The following CRLF2 variants were observed in gnomAD, a reference collection of about 807,000 sequenced individuals.
The protein encoded by CRLF2 is cytokine receptor-like factor 2.
In CRLF2, 41 loss-of-function variants were observed where a neutral mutation model predicts 38.7. The ratio of observed to expected loss-of-function variants is 1.06; its 90% CI spans 0.83 to 1.37. The LOEUF (loss-of-function observed/expected upper bound fraction) is 1.37. Among genes scored for constraint, CRLF2 ranks in the 40% most tolerant of loss-of-function variants. The pLI is 0.00. For synonymous variants in CRLF2, 140 were observed against 128.8 expected (o/e 1.09, Z -0.59); for missense variants, 377 against 322.2 (o/e 1.17, Z -1.30).
chrX:1,203,095 C>CAA (rs782280523), intron 3 of CRLF2, among the ~76,000 whole-genome samples: 8 of 66,936 alleles, frequency 1.2e-4, no homozygotes, highest in Admixed American at 4.2e-4. Flanking sequence ...GAGACTATCT[C>CAA]AAAAAAAAAA....
intron 6 of CRLF2, among the ~76,000 whole-genome samples, chrX:1,194,385 C>T (rs1266862178): frequency 1.3e-4 from 20 of 152,116 alleles, no homozygotes; most frequent in Middle Eastern, 3.4e-3. Context: ...TCGCTTGAGC[C>T]TGGGAGGTGG....
intron 5 of CRLF2, among the ~76,000 whole-genome samples, chrX:1,197,155 C>G (rs1179256164): frequency 7.0e-6 from 1 of 143,294 alleles, no homozygotes; most frequent in Non-Finnish European, 1.5e-5. Context: ...TGCAGTGGCT[C>G]CATCTCAGCT....
chrX:1,212,532 A>G (rs2086823572), intron 1 of CRLF2, 24 bp downstream of exon 1: 1 of 1,586,136 alleles, frequency 6.3e-7, no homozygotes, highest in Non-Finnish European at 8.7e-7. Context: ...AAATACAACA[A>G]GAAGAGGGTG....
rs2086363355 is a variant in CRLF2, at chrX:1,190,965, C to T, written c.1048G>A (p.Gly350Ser). Residue 350 changes from glycine to serine, a missense_variant, in exon 8 of 8, where the codon GGC (glycine) becomes AGC (serine). Transcript: ENST00000400841. ...SLQLPHQPLQ[G>S]GDVVTIGGFT... ...CCCCCGATTGTGACCACATCACCGCCTTGGAGGGGCTGGTGGGGAAGCTGG... is the reference window on the plus strand; with the variant it reads ...CCCCCGATTGTGACCACATCACCGCTTTGGAGGGGCTGGTGGGGAAGCTGG... 2.5e-6 allele frequency: 1 copy of T among 398,628 alleles called. No individual in the cohort carries two copies. Among genetic ancestry groups the T allele is most frequent in the African/African-American group, 2.1e-5 (1 of 48,646 alleles). The allele number at this position is 398,628 out of a possible 1,614,324, so 24.7% of individuals were successfully genotyped here.
Position 1,208,872 on chromosome X carries a change from A to G in CRLF2, c.116T>C (p.Leu39Ser), listed in dbSNP as rs1464694611. 6.2e-7 allele frequency: 1 copy of G among 1,611,876 alleles called. No homozygotes were observed. The highest frequency in any genetic ancestry group is 1.7e-5 in the Admixed American group (1 of 60,008). The change falls in exon 2 of 8, where the codon TTA becomes TCA. Residue 39 changes from leucine to serine, a missense_variant. Physicochemically the swap from Leu to Ser is moderately radical, Grantham distance 145 (BLOSUM62 -2). Coordinates refer to ENST00000400841, the MANE Select transcript of CRLF2 (RefSeq NM_022148.4). The part of the protein sequence containing the change: ...GVQIQIIYFN[L>S]ETVQVTWNAS... ...ATTCCATGTCACCTGCACGGTTTCT[A>G]AATTGAAGTAGATGATCTGAATCTG...
intron 2 of CRLF2, among the ~76,000 whole-genome samples, chrX:1,207,358 C>T (rs745574930): frequency 6.6e-6 from 1 of 151,480 alleles, no homozygotes; most frequent in South Asian, 2.1e-4. Context: ...CGGATTCAAG[C>T]GATTCTCCTG....
intron 6 of CRLF2, among the ~76,000 whole-genome samples, chrX:1,196,556 C>T (rs1324526668): frequency 1.2e-4 from 18 of 151,742 alleles, no homozygotes; most frequent in Admixed American, 3.3e-4. Context: ...CTCGTGACCT[C>T]GTGATCTGCC....
chrX:1,207,246 G>GT (rs1330054788), intron 2 of CRLF2, among the ~76,000 whole-genome samples: 2 of 147,110 alleles, frequency 1.4e-5, no homozygotes, highest in East Asian at 2.1e-4. Context: ...GCGCCCGGCC[G>GT]TTTTTTTATT....
At chrX:1,206,298 C>T (rs376443502) in intron 3 of CRLF2, 135 bp downstream of exon 3, 5 of 763,058 alleles carry the variant, frequency 6.6e-6, no homozygotes. Context: ...TACTGAAAGG[C>T]ATGGTGAGCT....
chrX:1,191,849 A>G (rs1357636657), intron 7 of CRLF2, among the ~76,000 whole-genome samples: 1 of 151,990 alleles, frequency 6.6e-6, no homozygotes, highest in Non-Finnish European at 1.5e-5. Flanking sequence ...TAAAATTCTA[A>G]GCCCTCCAAC....
At chrX:1,210,196 A>T (rs756102371) in intron 1 of CRLF2, among the ~76,000 whole-genome samples, 1 of 152,192 alleles carries the variant, frequency 6.6e-6, no homozygotes. Flanking sequence ...GGAAGGTTGC[A>T]TAGACTTCAG....
chrX:1,204,697 A>G (rs758731722), intron 3 of CRLF2, among the ~76,000 whole-genome samples: 18 of 141,646 alleles, frequency 1.3e-4, no homozygotes, highest in African/African-American at 4.5e-4. Flanking sequence ...ATTTTTTTTA[A>G]ATTATTTTTA....
chrX:1,204,369 C>G (rs769626968), intron 3 of CRLF2, among the ~76,000 whole-genome samples: 1 of 151,916 alleles, frequency 6.6e-6, no homozygotes, highest in Admixed American at 6.6e-5. Flanking sequence ...GCTGGGATTA[C>G]AGGCATGCAC....
At chrX:1,212,409 T>G (rs1406070287) in intron 1 of CRLF2, 147 bp downstream of exon 1, 7 of 608,198 alleles carry the variant, frequency 1.2e-5, no homozygotes, top group Non-Finnish European at 2.0e-5. Context: ...GGAGAATTGC[T>G]TGAACCCGGA....
chrX:1,206,626 GC>G, intron 2 of CRLF2, 27 bp from the exon 3 acceptor site: 1 of 1,604,606 alleles, frequency 6.2e-7, no homozygotes, highest in East Asian at 2.2e-5. Flanking sequence ...TGACCATTCA[GC>G]AACAAAACAA....
rs147602941 is a variant in CRLF2 at position 1,198,954 on chromosome X, G to T, written c.484-230C>A. The T allele has an allele frequency of 1.6e-5, 9 of 573,318 alleles. No individual in the cohort carries two copies. The Admixed American group carries it at 2.3e-4, about 15-fold the overall frequency. 35.5% of individuals were successfully genotyped at this position (573,318 alleles called of 1,614,324 possible). A position where few individuals can be genotyped will look rare whatever the true frequency, so the allele number is the denominator to read the frequency against. On this transcript the variant is annotated intron_variant, in intron 4 of 7. Transcript: ENST00000400841. ...ACCTGAGGTCGCAAGTTCGAGACCA[G>T]CCTGGCCAACATGGAGAAACCCCGT...
chrX:1,191,959 A>C (rs1311763509), intron 7 of CRLF2, among the ~76,000 whole-genome samples: 6 of 151,290 alleles, frequency 4.0e-5, no homozygotes, highest in African/African-American at 1.5e-4. Flanking sequence ...TAATCCCAGC[A>C]CTTTGGGAGG....
chrX:1,196,133 G>A (rs1225758577), intron 6 of CRLF2, among the ~76,000 whole-genome samples: 6 of 147,008 alleles, frequency 4.1e-5, no homozygotes, highest in Admixed American at 2.8e-4. Context: ...CACCTGCCTC[G>A]GCCTCCTAAA....
chrX:1,199,398 G>A (rs755705004), intron 4 of CRLF2, among the ~76,000 whole-genome samples: 4 of 152,006 alleles, frequency 2.6e-5, no homozygotes, highest in East Asian at 1.9e-4. Context: ...TCTGCCTGTC[G>A]GGTTCAAGCA....
Sources: gnomAD v4.1 joint callset for allele counts (sites outside exome capture counted in the v4.1 genomes callset) on GRCh38, gnomAD v4.1.1 for gene constraint, MANE v1.5 for transcripts, NCBI Gene and HGNC (gene_info 2026-07-23, HGNC 2026-07-21) for gene names.